Variants in EXPH5 observed in about 807,000 individuals in gnomAD.
EXPH5 encodes the protein exophilin 5.
In EXPH5, 42 loss-of-function variants were observed where a neutral mutation model predicts 41.1. That is an observed-to-expected ratio of 1.02 (90% confidence interval 0.80 to 1.32). EXPH5 has a LOEUF of 1.32. Ranked by LOEUF, EXPH5 falls within the 40% of genes most tolerant of loss-of-function variation. The pLI, the probability that EXPH5 is intolerant of heterozygous loss-of-function variation, is 0.00. For synonymous variants in EXPH5, 798 were observed against 833.5 expected (o/e 0.96, Z 0.73); for missense variants, 2,298 against 2,314.5 (o/e 0.99, Z 0.15).
rs753570893 is a variant in EXPH5, at chr11:108,593,712, A to T, written c.-176T>A. 6.5e-6 allele frequency: 10 copies of T among 1,540,832 alleles called. No individual in the cohort carries two copies. The highest frequency in any genetic ancestry group is 8.7e-6 in the Non-Finnish European group (10 of 1,147,656). On this transcript the variant is annotated 5_prime_UTR_variant, in exon 1 of 6. Transcript: ENST00000265843. Reference sequence around the variant, plus strand: ...GAACGCCCACACCTGAAGGGCTCATATTGACAATACCTTAATGACATGTTT... The same window carrying T: ...GAACGCCCACACCTGAAGGGCTCATTTTGACAATACCTTAATGACATGTTT...
chr11:108,563,446 A>G (rs577410930), intron 1 of EXPH5, among the ~76,000 whole-genome samples: 7 of 152,288 alleles, frequency 4.6e-5, no homozygotes, highest in Admixed American at 2.0e-4. Flanking sequence ...AATAAACCTG[A>G]GTAGAAAGAG....
intron 1 of EXPH5, among the ~76,000 whole-genome samples, chr11:108,559,055 T>C (rs2094001381): frequency 6.6e-6 from 1 of 152,204 alleles, no homozygotes; most frequent in East Asian, 1.9e-4. Context: ...AGAACAGTTA[T>C]TTCCAGATTA....
chr11:108,551,600 G>A (rs964318680), intron 1 of EXPH5, among the ~76,000 whole-genome samples: 4 of 150,880 alleles, frequency 2.7e-5, no homozygotes, highest in Admixed American at 6.6e-5. Context: ...GCTGATCTTC[G>A]CGGACCTGAC....
rs562864325 is a variant in EXPH5 at position 108,506,106 on chromosome 11, T to A, written c.*3431A>T. ...TTTATAAGGTATTTATTACGATTGA[T>A]TCCCCTATGATTTACTCCATTTACA... On this transcript the variant is annotated 3_prime_UTR_variant, in exon 6 of 6. Transcript: ENST00000265843. The A allele has an allele frequency of 1.3e-5, 2 of 152,200 alleles. No individual in the cohort carries two copies. The highest frequency in any genetic ancestry group is 2.9e-5 in the Non-Finnish European group (2 of 68,020). The allele number at this position is 152,200 out of a possible 1,614,324, so 9.4% of individuals were successfully genotyped here. A position where few individuals can be genotyped will look rare whatever the true frequency, so the allele number is the denominator to read the frequency against.
At chr11:108,549,960 C>G (rs1251484805) in intron 1 of EXPH5, among the ~76,000 whole-genome samples, 1 of 152,188 alleles carries the variant, frequency 6.6e-6, no homozygotes. Context: ...TGAACAGGTA[C>G]AGTCAACAGC....
rs183925503 is a variant in EXPH5 at position 108,559,928 on chromosome 11, G to A, written c.120-18116C>T. 7.9e-5 allele frequency among the ~76,000 whole-genome samples: 12 copies of A among 152,124 alleles called. No individual in the cohort carries two copies. The East Asian group carries it at 2.1e-3, about 27-fold the overall frequency. ...ACCCTTTGTATCATGCAGTTTTAAGGGTGTTGGGAAACCAACTCAAATCCA... is the reference window on the plus strand; with the variant it reads ...ACCCTTTGTATCATGCAGTTTTAAGAGTGTTGGGAAACCAACTCAAATCCA... On this transcript the variant is annotated intron_variant, in intron 1 of 5. Transcript: ENST00000265843.
chr11:108,532,366 A>ATT (rs1168217383), intron 3 of EXPH5, among the ~76,000 whole-genome samples: 15 of 32,132 alleles, frequency 4.7e-4, no homozygotes, highest in African/African-American at 1.8e-3. Context: ...ATATATATAT[A>ATT]TTTTTTTTTT....
chr11:108,547,022 T>C (rs1278274294), intron 1 of EXPH5, among the ~76,000 whole-genome samples: 1 of 151,966 alleles, frequency 6.6e-6, no homozygotes, highest in Non-Finnish European at 1.5e-5. Context: ...AGGCTAGTCT[T>C]GAACTCCTGA....
At position 108,509,914 on chromosome 11, in the gene EXPH5, C is replaced by A. The variant is rs1427470199; in HGVS notation, c.5593G>T (p.Ala1865Ser). The A allele has an allele frequency of 1.2e-6, 2 of 1,609,444 alleles. No individual in the cohort carries two copies. The highest frequency in any genetic ancestry group is 1.1e-5 in the South Asian group (1 of 90,080). Reference protein sequence around the residue: ...LPSCDGNESWAYRSGTKTGPR... With the variant: ...LPSCDGNESWSYRSGTKTGPR... ...CCTGTTTTTGTCCCGCTGCGATAAG[C>A]CCAACTTTCATTTCCATCACAGGAG... The change falls in exon 6 of 6, where the codon GCT becomes TCT. Residue 1865 changes from alanine (A) to serine (S), a missense_variant. Ala to Ser is a moderately conservative substitution (Grantham distance 99). Coordinates refer to ENST00000265843, the MANE Select transcript of EXPH5 (RefSeq NM_015065.3).
chr11:108,592,230 A>G (rs894217762), intron 1 of EXPH5, among the ~76,000 whole-genome samples: 3 of 152,194 alleles, frequency 2.0e-5, no homozygotes, highest in African/African-American at 7.2e-5. Flanking sequence ...CATATTCCCC[A>G]ACCTCAAATA....
Position 108,510,722 on chromosome 11 carries a change from C to T in EXPH5, c.4785G>A (p.Leu1595=), listed in dbSNP as rs1178135534. The T allele has an allele frequency of 6.2e-7, 1 of 1,614,170 alleles. No individual in the cohort carries two copies. Among genetic ancestry groups the T allele is most frequent in the Non-Finnish European group, 8.5e-7 (1 of 1,180,028 alleles). ...TTCTGCTGGCTTTAGACATGGCTGC[C>T]AATCTGTGTTTAACTGAAGATCTAT... ...GENRSSVKHR[L]AAMSKASRKF... is the part of the protein sequence containing the mutation. Residue 1595 remains leucine (L), a synonymous_variant, in exon 6 of 6, where the codon TTG becomes TTA. Transcript: ENST00000265843.
At chr11:108,590,867 G>A (rs1453307153) in intron 1 of EXPH5, among the ~76,000 whole-genome samples, 1 of 152,080 alleles carries the variant, frequency 6.6e-6, no homozygotes, top group Non-Finnish European at 1.5e-5. Context: ...TGGTCAGGCT[G>A]GTCTCAAACT....
rs1422343302 is a variant in EXPH5, at chr11:108,529,185, G to A, written c.444-1001C>T. Among the ~76,000 whole-genome samples, 5 of 152,080 alleles carry A rather than the reference G, an allele frequency of 3.3e-5. No homozygotes were observed. In the East Asian group the frequency reaches 9.7e-4, roughly 29 times the overall value. ...CACTACAACAACAAAGATTGCTTTAGGATGCTGACTTCTATAAAGATGGCT... is the reference window on the plus strand; with the variant it reads ...CACTACAACAACAAAGATTGCTTTAAGATGCTGACTTCTATAAAGATGGCT... On this transcript the variant is annotated intron_variant, in intron 3 of 5. Coordinates refer to ENST00000265843, the MANE Select transcript of EXPH5 (RefSeq NM_015065.3).
upstream of EXPH5, among the ~76,000 whole-genome samples, chr11:108,595,120 T>C (rs1374890709): frequency 1.3e-5 from 2 of 152,270 alleles, no homozygotes; most frequent in Non-Finnish European, 2.9e-5. Context: ...GATTTTACAC[T>C]GTTTCCAGTA....
chr11:108,511,908 C>T lies in EXPH5; in HGVS notation c.3599G>A (p.Arg1200Lys). 6.3e-7 allele frequency: 1 copy of T among 1,595,118 alleles called. No individual in the cohort carries two copies. Among genetic ancestry groups the T allele is most frequent in the Non-Finnish European group, 8.5e-7 (1 of 1,174,428 alleles). Residue 1200 changes from arginine to lysine, a missense_variant, in exon 6 of 6, where the codon AGA becomes AAA. Coordinates refer to ENST00000265843, the MANE Select transcript of EXPH5 (RefSeq NM_015065.3). ...TTCATTTGAAAGAGCAAATACACTTCTCCTGGAGGCAGCCATTTTACCCTC... is the reference window on the plus strand; with the variant it reads ...TTCATTTGAAAGAGCAAATACACTTTTCCTGGAGGCAGCCATTTTACCCTC... The part of the protein sequence containing the change: ...EKEGKMAASR[R>K]SVFALSNEDP...
the EXPH5 span, among the ~76,000 whole-genome samples, chr11:108,599,704 TAGA>T: frequency 6.6e-6 from 1 of 152,236 alleles, no homozygotes; most frequent in Non-Finnish European, 1.5e-5. Context: ...CCTTTCTGTT[TAGA>T]AGAAGTGCCC....
At position 108,513,311 on chromosome 11, in the gene EXPH5, C is replaced by A. The variant is rs2093696955; in HGVS notation, c.2196G>T (p.Gln732His). The part of the protein sequence containing the change: ...KAGEIPQPVS[Q>H]TGISNSLPDF... ...CAGGTAAAGAGTTTGAGATCCCTGT[C>A]TGTGAAACAGGTTGGGGTATTTCAC... The change falls in exon 6 of 6, where the codon CAG becomes CAT. Residue 732 changes from glutamine (Q) to histidine (H), a missense_variant. By Grantham distance (24) the Gln-to-His change is conservative (BLOSUM62 0). Transcript: ENST00000265843. The A allele has an allele frequency of 6.2e-7, 1 of 1,613,130 alleles. No individual in the cohort carries two copies. The highest frequency in any genetic ancestry group is 1.3e-5 in the African/African-American group (1 of 74,880).
rs191167111 is a variant in EXPH5 at position 108,571,998 on chromosome 11, C to T, written c.119+21420G>A. Among the ~76,000 whole-genome samples the T allele has an allele frequency of 2.5e-4, 38 of 151,110 alleles. No individual in the cohort carries two copies. The East Asian group carries it at 7.0e-3, about 28-fold the overall frequency. ...CCGGGAGGCGGAGCTTGCAGTTAGC[C>T]GAGATAGCACCACTGCACTCCAGCC... On this transcript the variant is annotated intron_variant, in intron 1 of 5. Transcript: ENST00000265843.
chr11:108,520,712 G>A (rs746145294), intron 4 of EXPH5, among the ~76,000 whole-genome samples: 6 of 151,286 alleles, frequency 4.0e-5, no homozygotes, highest in Admixed American at 1.3e-4. Flanking sequence ...GATTACAGGC[G>A]CACGCCACCA....
Sources: gnomAD v4.1 joint callset for allele counts (sites outside exome capture counted in the v4.1 genomes callset) on GRCh38, gnomAD v4.1.1 for gene constraint, MANE v1.5 for transcripts, NCBI Gene and HGNC (gene_info 2026-07-23, HGNC 2026-07-21) for gene names.